The following DUOX2 variants were observed in gnomAD, a reference collection of about 807,000 sequenced individuals.
The protein encoded by DUOX2 is NADH/NADPH thyroid oxidase p138-tox.
Under a neutral mutation model 183.3 loss-of-function variants are expected in DUOX2, and 185 were observed. That is an observed-to-expected ratio of 1.01 (90% CI 0.90 to 1.14). The LOEUF (loss-of-function observed/expected upper bound fraction) is 1.14. Ranked by LOEUF, DUOX2 falls within the 50% of genes most tolerant of loss-of-function variation. The probability of loss-of-function intolerance (pLI) is 0.00; values close to 1 mark genes in which losing one functional copy is unlikely to be tolerated. For missense variants in DUOX2, 1,999 were observed against 2,022.9 expected (o/e 0.99, Z 0.23); for synonymous variants, 788 against 812.4 (o/e 0.97, Z 0.51).
chr15:45,111,299 A>C, intron 6 of DUOX2, 22 bp from the exon 7 acceptor site: 1 of 1,371,950 alleles, frequency 7.3e-7, no homozygotes, highest in Non-Finnish European at 9.6e-7. Flanking sequence ...GTGGGGGCGC[A>C]GGGGAGGAGA....
rs1432889425 is a variant in DUOX2, at chr15:45,106,653, CA to C, written c.1832-13del. The C allele has an allele frequency of 6.2e-7, 1 of 1,613,868 alleles. No homozygotes were observed. Among genetic ancestry groups the C allele is most frequent in the Non-Finnish European group, 8.5e-7 (1 of 1,179,756 alleles). On this transcript the variant is annotated splice_polypyrimidine_tract_variant and intron_variant, in intron 15 of 33. Coordinates refer to ENST00000389039, the MANE Select transcript of DUOX2 (RefSeq NM_001363711.2). ...GAGAAGCAGACTCACTGAAGTGGAT[CA>C]GAAGGAACAGTGAGGAGGGAGCCCC...
In DUOX2 at chr15:45,093,989, A is replaced by G; in HGVS notation, c.*161T>C. ...TCTCCTGCCTTTTCTCATTTGTATA[A>G]TTGTCTGGGTCAATATTCTCCCAAT... On this transcript the variant is annotated 3_prime_UTR_variant, in exon 34 of 34. Coordinates refer to ENST00000389039, the MANE Select transcript of DUOX2 (RefSeq NM_001363711.2). 1.1e-6 allele frequency: 1 copy of G among 900,026 alleles called. No individual in the cohort carries two copies. The highest frequency in any genetic ancestry group is 1.4e-5 in the South Asian group (1 of 69,786). 55.8% of individuals were successfully genotyped at this position (900,026 alleles called of 1,614,324 possible).
intron 12 of DUOX2, 128 bp from the exon 13 acceptor site, chr15:45,108,350 T>C: frequency 8.9e-7 from 1 of 1,123,384 alleles, no homozygotes; most frequent in Admixed American, 2.0e-5. Context: ...TTCCTCTTCT[T>C]AGGCAAGCCC....
intron 7 of DUOX2, 44 bp downstream of exon 7, chr15:45,111,067 C>A: frequency 1.4e-6 from 1 of 713,278 alleles, no homozygotes; most frequent in Non-Finnish European, 2.3e-6. Flanking sequence ...CTCCCGTGGG[C>A]TTGCACGCGG....
chr15:45,106,983 C>T lies in DUOX2; in HGVS notation c.1694-14G>A, dbSNP rs1208044669. On this transcript the variant is annotated splice_polypyrimidine_tract_variant and intron_variant, in intron 14 of 33. Transcript: ENST00000389039. Reference sequence around the variant, plus strand: ...GGCAGGGTGCACCTGAGGGAGAGGGCAGGGAAGACCTCAAAGTCTGAGGAT... The same window carrying T: ...GGCAGGGTGCACCTGAGGGAGAGGGTAGGGAAGACCTCAAAGTCTGAGGAT... 1.3e-6 allele frequency: 2 copies of T among 1,568,882 alleles called. No individual in the cohort carries two copies. The highest frequency in any genetic ancestry group is 4.6e-5 in the East Asian group (2 of 43,332).
rs545715198 is a variant in DUOX2 at position 45,110,640 on chromosome 15, G to T, written c.943+10C>A. On this transcript the variant is annotated intron_variant, in intron 8 of 33. Coordinates refer to ENST00000389039, the MANE Select transcript of DUOX2 (RefSeq NM_001363711.2). The stretch of plus-strand genomic sequence containing the variant: ...CTCCGCACAGGTGTCCTCCTTCCCC[G>T]CTCCCTCACCTGTATACTCCGGGAG... 1.4e-5 allele frequency: 22 copies of T among 1,613,076 alleles called. No individual in the cohort carries two copies. The highest frequency in any genetic ancestry group is 1.8e-5 in the Non-Finnish European group (21 of 1,179,990).
intron 22 of DUOX2, 135 bp from the exon 23 acceptor site, chr15:45,100,973 G>T: frequency 1.4e-6 from 1 of 695,084 alleles, no homozygotes; most frequent in Admixed American, 2.3e-5. Context: ...TGAATTAATA[G>T]GATCTCATGA....
rs771388706 is a variant in DUOX2 at position 45,112,701 on chromosome 15, G to T, written c.178C>A (p.Arg60Ser). Residue 60 changes from arginine to serine, a missense_variant, in exon 4 of 34, where the codon CGC becomes AGC. Arg to Ser is a moderately radical substitution (Grantham distance 110, BLOSUM62 -1). Coordinates refer to ENST00000389039, the MANE Select transcript of DUOX2 (RefSeq NM_001363711.2). The stretch of plus-strand genomic sequence containing the variant: ...CCGTCGGCGTAATTGGCTGGTACGC[G>T]GCGCTGCAACCGGCAGCCTGCGGAG... ...RGAVGCRLQR[R>S]VPANYADGVY... 4 of 1,611,974 alleles carry T rather than the reference G, an allele frequency of 2.5e-6. No homozygotes were observed. The highest frequency in any genetic ancestry group is 1.3e-5 in the African/African-American group (1 of 74,922).
chr15:45,109,148 C>A, intron 11 of DUOX2, 196 bp from the exon 12 acceptor site: 1 of 694,598 alleles, frequency 1.4e-6, no homozygotes, highest in Non-Finnish European at 2.5e-6. Context: ...CCAGTTTTTC[C>A]AGTAAGACCC....
chr15:45,101,243 G>A lies in DUOX2; in HGVS notation c.2883C>T (p.Ser961=), dbSNP rs200985557. ...GIRDIFKQNI[S]CRVSFITRTP... ...TCCGAGTGATGAACGAGACTCGACAGCTGATGTTTTGTTTAAAGATATCTC... is the reference window on the plus strand; with the variant it reads ...TCCGAGTGATGAACGAGACTCGACAACTGATGTTTTGTTTAAAGATATCTC... Residue 961 remains serine, a synonymous_variant, in exon 22 of 34, where the codon AGC becomes AGT. Coordinates refer to ENST00000389039, the MANE Select transcript of DUOX2 (RefSeq NM_001363711.2). 3.3e-5 allele frequency: 54 copies of A among 1,613,616 alleles called. No individual in the cohort carries two copies. In the South Asian group the frequency reaches 5.5e-4, roughly 16 times the overall value.
chr15:45,104,114 T>G (rs1166669176), intron 19 of DUOX2, 26 bp downstream of exon 19: 2 of 1,614,080 alleles, frequency 1.2e-6, no homozygotes, highest in Non-Finnish European at 8.5e-7. Context: ...GATTCTTGGA[T>G]AGCCTGCCAC....
chr15:45,112,749 A>G, intron 3 of DUOX2, 31 bp from the exon 4 acceptor site: 1 of 1,608,944 alleles, frequency 6.2e-7, no homozygotes, highest in Non-Finnish European at 8.5e-7. Context: ...GCTCTGTCTA[A>G]GCACTCCATC....
intron 3 of DUOX2, 98 bp from the exon 4 acceptor site, chr15:45,112,816 T>G (rs1894480653): frequency 6.3e-7 from 1 of 1,579,260 alleles, no homozygotes; most frequent in South Asian, 1.1e-5. Context: ...CCCACTTCAC[T>G]GACAGAACCT....
In DUOX2 at chr15:45,108,970, C is replaced by G. The variant is rs1001939446; in HGVS notation, c.1235-18G>C. ...CCAGTAATCTGAAGAGGAGAGAAGA[C>G]TAGACTATGGGCTTTGTCCTCTCCA... is the stretch of plus-strand genomic sequence containing the variant. On this transcript the variant is annotated intron_variant, in intron 11 of 33. Transcript: ENST00000389039. 6.2e-7 allele frequency: 1 copy of G among 1,614,024 alleles called. No individual in the cohort carries two copies. Among genetic ancestry groups the G allele is most frequent in the Non-Finnish European group, 8.5e-7 (1 of 1,180,022 alleles).
At position 45,113,370 on chromosome 15, in the gene DUOX2, A is replaced by G. The variant is rs147346870; in HGVS notation, c.42T>C (p.Ala14=). ...ARPEALMLLG[A]LLTGSLGPSG... ...ATGGACCCAGGGATCCAGTCAGAAG[A>G]GCTCCCAGGAGCATCAGTGCCTCTG... The change falls in exon 2 of 34, where the codon GCT becomes GCC. Residue 14 remains alanine (A), a synonymous_variant. Transcript: ENST00000389039. The G allele has an allele frequency of 8.3e-6, 13 of 1,566,584 alleles. No homozygotes were observed. The highest frequency in any genetic ancestry group is 1.7e-4 in the Middle Eastern group (1 of 6,014).
At chr15:45,108,703 T>G in intron 12 of DUOX2, 86 bp downstream of exon 12, 1 of 1,396,654 alleles carries the variant, frequency 7.2e-7, no homozygotes, top group Admixed American at 1.7e-5. Context: ...TTATGTAGAT[T>G]AAATGAGTCA....
intron 4 of DUOX2, 129 bp from the exon 5 acceptor site, chr15:45,112,084 G>T: frequency 2.6e-6 from 3 of 1,149,788 alleles, no homozygotes; most frequent in Non-Finnish European, 3.8e-6. Flanking sequence ...CACCAGCTCT[G>T]CACGTTAGCC....
rs373156594 is a variant in DUOX2, at chr15:45,094,922, G to T, written c.4395+14C>A. On this transcript the variant is annotated intron_variant, in intron 32 of 33. Transcript: ENST00000389039. ...TGCCCGCCAAGTTGCCCTGCCTGGC[G>T]GGCCCTGACATACTAGCATGGTGGT... 2 of 1,613,220 alleles carry T rather than the reference G, an allele frequency of 1.2e-6. No individual in the cohort carries two copies. The highest frequency in any genetic ancestry group is 1.7e-6 in the Non-Finnish European group (2 of 1,179,266).
At chr15:45,102,089 A>G in intron 20 of DUOX2, 100 bp from the exon 21 acceptor site, 1 of 1,450,712 alleles carries the variant, frequency 6.9e-7, no homozygotes, top group Non-Finnish European at 9.5e-7. Context: ...TGTGGTTACC[A>G]GTGACCCGGG....
Sources: allele counts gnomAD v4.1 joint callset, GRCh38; gene constraint gnomAD v4.1.1; transcripts MANE v1.5; gene names NCBI Gene and HGNC (gene_info 2026-07-23, HGNC 2026-07-21).